The following FHL2 variants were observed in gnomAD, a reference collection of about 807,000 sequenced individuals.
The protein encoded by FHL2 is four and a half LIM domains 2, also known as four and a half LIM domains protein 2.
In FHL2, 20 loss-of-function variants were observed where a neutral mutation model predicts 32.7. The observed-to-expected ratio is 0.61, with a 90% CI of 0.43 to 0.89. FHL2 has a LOEUF of 0.89. Ranked by LOEUF, FHL2 falls within the 40% of genes least tolerant of loss-of-function variation. The probability of loss-of-function intolerance (pLI) is 0.00; values close to 1 mark genes in which losing one functional copy is unlikely to be tolerated. For missense variants in FHL2, 311 were observed against 358.6 expected (o/e 0.87, Z 1.07); for synonymous variants, 123 against 128.1 (o/e 0.96, Z 0.27).
intron 1 of FHL2, among the ~76,000 whole-genome samples, chr2:105,420,856 G>T (rs1021974923): frequency 6.6e-6 from 1 of 152,190 alleles, no homozygotes. Flanking sequence ...AGGAGGTGGA[G>T]CTCAGTGGGG....
At chr2:105,368,545 C>T (rs547230291) in intron 4 of FHL2, among the ~76,000 whole-genome samples, 10 of 152,278 alleles carry the variant, frequency 6.6e-5, no homozygotes, top group South Asian at 2.1e-4. Context: ...CCTAAACCTA[C>T]GCCATCCATT....
intron 1 of FHL2, among the ~76,000 whole-genome samples, chr2:105,431,870 G>A (rs1684444620): frequency 6.6e-6 from 1 of 152,216 alleles, no homozygotes. Flanking sequence ...AAGCACAGCA[G>A]ACAAAAGTAG....
chr2:105,387,444 T>C (rs1372545209), intron 2 of FHL2, among the ~76,000 whole-genome samples: 1 of 152,148 alleles, frequency 6.6e-6, no homozygotes, highest in East Asian at 1.9e-4. Flanking sequence ...GGATGAATCA[T>C]TGCTCCCTGC....
At chr2:105,379,256 A>G (rs1162792249) in intron 3 of FHL2, among the ~76,000 whole-genome samples, 1 of 152,216 alleles carries the variant, frequency 6.6e-6, no homozygotes, top group Non-Finnish European at 1.5e-5. Context: ...AGTTGCTGGT[A>G]TGTATTACAA....
chr2:105,431,690 T>C (rs1415757499), intron 1 of FHL2, among the ~76,000 whole-genome samples: 1 of 152,194 alleles, frequency 6.6e-6, no homozygotes, highest in African/African-American at 2.4e-5. Flanking sequence ...TGGGAAGCCA[T>C]TGGAACGTTT....
rs1573378667 is a variant in FHL2 at position 105,399,023 on chromosome 2, G to A, written c.-257C>T. 6.7e-7 allele frequency: 1 copy of A among 1,494,816 alleles called. No homozygotes were observed. The highest frequency in any genetic ancestry group is 8.9e-7 in the Non-Finnish European group (1 of 1,125,228). The allele number at this position is 1,494,816 out of a possible 1,614,324, so 92.6% of individuals were successfully genotyped here. A position where few individuals can be genotyped will look rare whatever the true frequency, so the allele number is the denominator to read the frequency against. On this transcript the variant is annotated 5_prime_UTR_variant, in exon 1 of 7. Coordinates refer to ENST00000530340, the MANE Select transcript of FHL2 (RefSeq NM_001318895.3). ...ACGGGGCTGGAGGGCGCGGGCGGCT[G>A]GTGGCTGCGGCTCCGCTGCCGGCCG...
chr2:105,404,384 C>T (rs750735441), intron 1 of FHL2, among the ~76,000 whole-genome samples: 4 of 152,142 alleles, frequency 2.6e-5, no homozygotes, highest in Non-Finnish European at 5.9e-5. Flanking sequence ...AGTGATCAAA[C>T]CAGCACCCCT....
At chr2:105,395,354 A>G (rs1379383272) in intron 2 of FHL2, among the ~76,000 whole-genome samples, 1 of 152,160 alleles carries the variant, frequency 6.6e-6, no homozygotes, top group Admixed American at 6.5e-5. Context: ...TGAGTTACGA[A>G]CACTTCTACA....
At chr2:105,365,646 C>A (rs1463113578) in intron 5 of FHL2, among the ~76,000 whole-genome samples, 1 of 150,490 alleles carries the variant, frequency 6.6e-6, no homozygotes, top group South Asian at 2.1e-4. Context: ...ACCAGTCTGG[C>A]CAACAAAGTG....
At chr2:105,384,435 C>T (rs1449607200) in intron 3 of FHL2, among the ~76,000 whole-genome samples, 3 of 152,116 alleles carry the variant, frequency 2.0e-5, no homozygotes, top group Non-Finnish European at 4.4e-5. Context: ...TAGAAGAGTA[C>T]GAGTGCGAGT....
intron 1 of FHL2, among the ~76,000 whole-genome samples, chr2:105,425,246 G>A (rs962396205): frequency 2.0e-5 from 3 of 152,164 alleles, no homozygotes; most frequent in Non-Finnish European, 4.4e-5. Context: ...AAGGGACCTA[G>A]GGCTGTGCAG....
At chr2:105,366,171 C>T (rs886275252) in intron 5 of FHL2, among the ~76,000 whole-genome samples, 11 of 151,734 alleles carry the variant, frequency 7.2e-5, no homozygotes, top group Admixed American at 7.2e-4. Flanking sequence ...GATCGAGCCA[C>T]TGCACTCCAG....
In FHL2 at chr2:105,367,565, G is replaced by T. The variant is rs1440532005; in HGVS notation, c.501+5C>A. ...GTGCAAGGGCCAAGGGGGCATCTGAGATACCTTTTTGCACTGAACGCACTG... is the reference window on the plus strand; with the variant it reads ...GTGCAAGGGCCAAGGGGGCATCTGATATACCTTTTTGCACTGAACGCACTG... On this transcript the variant is annotated splice_donor_5th_base_variant and intron_variant, in intron 5 of 6. Transcript: ENST00000530340. 2 of 1,609,500 alleles carry T rather than the reference G, an allele frequency of 1.2e-6. No individual in the cohort carries two copies. The highest frequency in any genetic ancestry group is 2.7e-5 in the African/African-American group (2 of 74,860).
chr2:105,413,509 G>T (rs1270177480), intron 1 of FHL2, among the ~76,000 whole-genome samples: 1 of 151,922 alleles, frequency 6.6e-6, no homozygotes. Flanking sequence ...TTAGAGGCAG[G>T]GTTACCCGGG....
At chr2:105,386,614 T>C in intron 2 of FHL2, 74 bp from the exon 3 acceptor site, 1 of 1,307,952 alleles carries the variant, frequency 7.6e-7, no homozygotes, top group Non-Finnish European at 1.1e-6. Flanking sequence ...GCATTAACTG[T>C]CCCACTGTCT....
intron 4 of FHL2, among the ~76,000 whole-genome samples, chr2:105,371,570 C>CTG (rs1681071006): frequency 6.7e-6 from 1 of 148,480 alleles, no homozygotes; most frequent in East Asian, 2.0e-4. Flanking sequence ...CTCTCTCTCT[C>CTG]TCTCTCCTTA....
chr2:105,411,610 C>T lies in FHL2; in HGVS notation c.-24-25070G>A, dbSNP rs564846141. Among the ~76,000 whole-genome samples the T allele has an allele frequency of 7.0e-5, 9 of 127,702 alleles. No individual in the cohort carries two copies. The East Asian group carries it at 1.2e-3, about 17-fold the overall frequency. 83.8% of individuals were successfully genotyped at this position (127,702 alleles called of 152,430 possible). ...TTCCCAGCACTTTGGTAGGCCGAGG[C>T]GGGCGGATCACTTGAGGTCAGGAAT... On this transcript the variant is annotated intron_variant, in intron 1 of 5. Transcript: ENST00000393352.
intron 1 of FHL2, chr2:105,438,344 G>C: frequency 1.0e-6 from 1 of 984,384 alleles, no homozygotes; most frequent in Non-Finnish European, 1.2e-6. Flanking sequence ...GCAGAGACAG[G>C]CTGGGAAGGA....
chr2:105,378,679 C>T (rs921556681), intron 3 of FHL2: 1 of 155,092 alleles, frequency 6.4e-6, no homozygotes, highest in Non-Finnish European at 1.4e-5. Flanking sequence ...CTCAGCCTAC[C>T]TTTATGACTG....
Sources: gnomAD v4.1 joint callset for allele counts (sites outside exome capture counted in the v4.1 genomes callset) on GRCh38, gnomAD v4.1.1 for gene constraint, MANE v1.5 for transcripts, NCBI Gene and HGNC (gene_info 2026-07-23, HGNC 2026-07-21) for gene names.